MINPP1: variants seen among roughly 807,000 people sequenced by gnomAD.
The protein encoded by MINPP1 is multiple inositol-polyphosphate phosphatase 1.
Under a neutral mutation model 46.1 loss-of-function variants are expected in MINPP1, and 28 were observed. The observed-to-expected ratio is 0.61, with a 90% CI of 0.45 to 0.83. The LOEUF is 0.83. Ranked by LOEUF, MINPP1 falls within the 40% of genes least tolerant of loss-of-function variation. The pLI, the probability that MINPP1 is intolerant of heterozygous loss-of-function variation, is 0.00. For synonymous variants in MINPP1, 268 were observed against 249.1 expected (o/e 1.08, Z -0.72); for missense variants, 603 against 610.0 (o/e 0.99, Z 0.12).
intron 3 of MINPP1, among the ~76,000 whole-genome samples, chr10:87,516,914 T>G (rs1164691707): frequency 2.6e-5 from 4 of 152,216 alleles, no homozygotes; most frequent in African/African-American, 9.6e-5. Flanking sequence ...GTTTTTGAAC[T>G]TTATAATGAT....
intron 4 of MINPP1, among the ~76,000 whole-genome samples, chr10:87,525,388 T>C (rs972357307): frequency 2.0e-5 from 3 of 152,236 alleles, no homozygotes; most frequent in African/African-American, 7.2e-5. Flanking sequence ...TGATATAATA[T>C]GTGGTTCTTT....
chr10:87,509,530 C>T (rs151123216), intron 2 of MINPP1, among the ~76,000 whole-genome samples: 71 of 152,338 alleles, frequency 4.7e-4, no homozygotes, highest in African/African-American at 1.7e-3. Context: ...CCTATACCCA[C>T]AACTTGGTTT....
chr10:87,508,608 A>G, intron 2 of MINPP1, 75 bp downstream of exon 2: 2 of 1,419,728 alleles, frequency 1.4e-6, no homozygotes, highest in South Asian at 2.4e-5. Flanking sequence ...AAACATAAGG[A>G]AACAGTCTTT....
intron 4 of MINPP1, among the ~76,000 whole-genome samples, chr10:87,535,982 G>C (rs1364074228): frequency 6.6e-6 from 1 of 152,076 alleles, no homozygotes; most frequent in Non-Finnish European, 1.5e-5. Context: ...TTAGTTATTT[G>C]TGTTAATTTT....
intron 4 of MINPP1, among the ~76,000 whole-genome samples, chr10:87,534,042 A>ATTTTTTTT (rs58579107): frequency 1.8e-5 from 1 of 55,412 alleles, no homozygotes; most frequent in African/African-American, 7.4e-5. Flanking sequence ...CTGGCTAAAT[A>ATTTTTTTT]TTTTTTTTTT....
chr10:87,520,774 G>T (rs939058752), intron 3 of MINPP1, among the ~76,000 whole-genome samples: 5 of 152,076 alleles, frequency 3.3e-5, no homozygotes, highest in Admixed American at 6.5e-5. Flanking sequence ...CCTGACCTTG[G>T]ATGATTGGCT....
At chr10:87,508,299 T>C (rs779664532) in intron 1 of MINPP1, 37 bp from the exon 2 acceptor site, 1 of 1,605,620 alleles carries the variant, frequency 6.2e-7, no homozygotes, top group Non-Finnish European at 8.5e-7. Context: ...TTTATGTCAG[T>C]GATTTACAAA....
Position 87,504,909 on chromosome 10 carries a change from C to G in MINPP1, c.-7C>G. The G allele has an allele frequency of 6.2e-7, 1 of 1,609,740 alleles. No homozygotes were observed. The highest frequency in any genetic ancestry group is 8.5e-7 in the Non-Finnish European group (1 of 1,179,098). On this transcript the variant is annotated 5_prime_UTR_variant, in exon 1 of 5. Coordinates refer to ENST00000371996, the MANE Select transcript of MINPP1 (RefSeq NM_004897.5). ...TGGCTCGGCGCACTCCACTGACCGT[C>G]CCGACGATGCTACGCGCGCCCGGCT...
In MINPP1 at chr10:87,539,245, A is replaced by G. The variant is rs569965512; in HGVS notation, c.1068-12837A>G. 1.5e-3 allele frequency among the ~76,000 whole-genome samples: 222 copies of G among 152,290 alleles called. 2 individuals are homozygous for G. The South Asian group carries it at 0.044, about 30-fold the overall frequency. The stretch of plus-strand genomic sequence containing the variant: ...CATTTGCTTTCATATATTTGTATTA[A>G]TAGTTTACATTTTCAAGCAAAATAT... On this transcript the variant is annotated intron_variant, in intron 4 of 4. Coordinates refer to ENST00000371996, the MANE Select transcript of MINPP1 (RefSeq NM_004897.5).
At chr10:87,531,102 A>G (rs938689893) in intron 4 of MINPP1, among the ~76,000 whole-genome samples, 2 of 152,204 alleles carry the variant, frequency 1.3e-5, no homozygotes, top group Non-Finnish European at 2.9e-5. Flanking sequence ...ACTGTCTGTC[A>G]TGGCTTCCTT....
At chr10:87,536,957 GAC>G (rs1851744690) in intron 4 of MINPP1, among the ~76,000 whole-genome samples, 1 of 150,902 alleles carries the variant, frequency 6.6e-6, no homozygotes, top group African/African-American at 2.4e-5. Context: ...TTTTTTTTGA[GAC>G]AGAGTCTTAC....
rs554626981 is a variant in MINPP1 at position 87,542,670 on chromosome 10, C to T, written c.1068-9412C>T. 7.9e-5 allele frequency among the ~76,000 whole-genome samples: 12 copies of T among 152,248 alleles called. No homozygotes were observed. In the South Asian group the frequency reaches 8.3e-4, roughly 11 times the overall value. On this transcript the variant is annotated intron_variant, in intron 4 of 4. Transcript: ENST00000371996. ...TGAAACCTGCTTCCCCCTTGCCTTCCGTCATGATTGTAAGCCTCCTGAGGC... is the reference window on the plus strand; with the variant it reads ...TGAAACCTGCTTCCCCCTTGCCTTCTGTCATGATTGTAAGCCTCCTGAGGC...
intron 3 of MINPP1, among the ~76,000 whole-genome samples, chr10:87,514,977 A>G (rs1193724535): frequency 1.3e-5 from 2 of 151,806 alleles, no homozygotes; most frequent in African/African-American, 2.4e-5. Flanking sequence ...GGGCCCCCCA[A>G]AGTGCTGGTA....
intron 4 of MINPP1, among the ~76,000 whole-genome samples, chr10:87,532,328 CAA>C (rs778148040): frequency 2.0e-5 from 3 of 152,184 alleles, no homozygotes; most frequent in Non-Finnish European, 4.4e-5. Flanking sequence ...ATGACTGAGG[CAA>C]AGTCATTGCA....
At chr10:87,525,670 A>G (rs550964652) in intron 4 of MINPP1, among the ~76,000 whole-genome samples, 1 of 152,248 alleles carries the variant, frequency 6.6e-6, no homozygotes, top group East Asian at 1.9e-4. Context: ...TACGTTAGGT[A>G]TATCTCCTAA....
Position 87,533,310 on chromosome 10 carries a change from G to A in MINPP1, c.1067+12141G>A, listed in dbSNP as rs545475302. Among the ~76,000 whole-genome samples, 81 of 151,876 alleles carry A rather than the reference G, an allele frequency of 5.3e-4. 1 individual carries two copies. Among genetic ancestry groups the A allele is most frequent in the Middle Eastern group, 6.8e-3 (2 of 294 alleles). ...TTAAATTTTCAGTTAAATATAACCGGCCCTTGAAATTCAGCTCCTTGCATT... is the reference window on the plus strand; with the variant it reads ...TTAAATTTTCAGTTAAATATAACCGACCCTTGAAATTCAGCTCCTTGCATT... On this transcript the variant is annotated intron_variant, in intron 4 of 4. Transcript: ENST00000371996.
chr10:87,550,624 GT>G (rs763893907), intron 4 of MINPP1, among the ~76,000 whole-genome samples: 27 of 152,092 alleles, frequency 1.8e-4, no homozygotes, highest in Non-Finnish European at 3.7e-4. Context: ...TTAGAAAAAG[GT>G]TTGTGTCAGA....
chr10:87,523,695 A>C (rs1274409504), intron 4 of MINPP1, among the ~76,000 whole-genome samples: 1 of 152,124 alleles, frequency 6.6e-6, no homozygotes, highest in African/African-American at 2.4e-5. Context: ...TAAAATTTAT[A>C]ATGAAATCAA....
In MINPP1 at chr10:87,549,418, G is replaced by T. The variant is rs1851931835; in HGVS notation, c.1068-2664G>T. ...TTAACTTTTGAATCTAAGTATGTAA[G>T]ACTGTCCATACCACTGTCTGTCCTG... is the stretch of plus-strand genomic sequence containing the variant. On this transcript the variant is annotated intron_variant, in intron 4 of 4. Coordinates refer to ENST00000371996, the MANE Select transcript of MINPP1 (RefSeq NM_004897.5). Among the ~76,000 whole-genome samples, 3 of 152,102 alleles carry T rather than the reference G, an allele frequency of 2.0e-5. No individual in the cohort carries two copies. In the South Asian group the frequency reaches 6.2e-4, roughly 32 times the overall value.
Sources: allele counts gnomAD v4.1 joint callset (sites outside exome capture counted in the v4.1 genomes callset), GRCh38; gene constraint gnomAD v4.1.1; transcripts MANE v1.5; gene names NCBI Gene and HGNC (gene_info 2026-07-23, HGNC 2026-07-21).